Variants in EYA4 observed in about 807,000 individuals in gnomAD.
The protein encoded by EYA4 is EYA transcriptional coactivator and phosphatase 4, also known as protein phosphatase EYA4.
EYA4 carries 31 observed loss-of-function variants against 87.9 expected under a neutral mutation model. The observed-to-expected ratio is 0.35, with a 90% CI of 0.27 to 0.48. The LOEUF (loss-of-function observed/expected upper bound fraction) is 0.48, where lower values mean the gene tolerates loss of function less well. Ranked by LOEUF, EYA4 falls within the 20% of genes least tolerant of loss-of-function variation. EYA4 has a pLI of 0.99. For synonymous variants in EYA4, 263 were observed against 270.6 expected, an observed-to-expected ratio of 0.97 and a Z score of 0.28; for missense variants, 678 against 761.4, an observed-to-expected ratio of 0.89 and a Z score of 1.29.
intron 3 of EYA4, among the ~76,000 whole-genome samples, chr6:133,397,793 C>T (rs1468726325): frequency 6.6e-6 from 1 of 152,184 alleles, no homozygotes; most frequent in Non-Finnish European, 1.5e-5. Context: ...GCATGTGTCA[C>T]ATGGGGGCCG....
intron 14 of EYA4, 52 bp from the exon 15 acceptor site, chr6:133,512,669 T>C (rs1211603197): frequency 2.9e-6 from 4 of 1,397,532 alleles, no homozygotes; most frequent in South Asian, 2.3e-5. Flanking sequence ...CCTTCAAGCA[T>C]GGTAACAAGC....
At chr6:133,267,107 T>C (rs1776284514) in intron 1 of EYA4, among the ~76,000 whole-genome samples, 1 of 152,224 alleles carries the variant, frequency 6.6e-6, no homozygotes, top group African/African-American at 2.4e-5. Context: ...CTATCTGCTG[T>C]AGTTTTACCT....
Position 133,342,174 on chromosome 6 carries a change from T to G in EYA4, c.34-40218T>G, listed in dbSNP as rs377628634. On this transcript the variant is annotated intron_variant, in intron 2 of 19. Coordinates refer to ENST00000355286, the MANE Select transcript of EYA4 (RefSeq NM_004100.5). The stretch of plus-strand genomic sequence containing the variant: ...AGTTGAAATTGAGACCAGTCTAGAT[T>G]GGTACCAGCTTCTTTGGGTTTCTTC... Among the ~76,000 whole-genome samples, 32 of 152,058 alleles carry G rather than the reference T, an allele frequency of 2.1e-4. 1 individual carries two copies. Among genetic ancestry groups the G allele is most frequent in the African/African-American group, 7.5e-4 (31 of 41,484 alleles).
In EYA4 at chr6:133,530,625, A is replaced by T. The variant is rs184735364; in HGVS notation, c.*1820A>T. 2 of 985,774 alleles carry T rather than the reference A, an allele frequency of 2.0e-6. No homozygotes were observed. The highest frequency in any genetic ancestry group is 2.3e-4 in the East Asian group (2 of 8,822). 61.1% of individuals were successfully genotyped at this position (985,774 alleles called of 1,614,324 possible). On this transcript the variant is annotated 3_prime_UTR_variant, in exon 20 of 20. Coordinates refer to ENST00000355286, the MANE Select transcript of EYA4 (RefSeq NM_004100.5). ...AGATCACAACATTCACTGTGGAAAT[A>T]TGATTTCATTTCTTTAGGCTACAAA...
At chr6:133,512,620 C>T in intron 14 of EYA4, 101 bp from the exon 15 acceptor site, 1 of 913,328 alleles carries the variant, frequency 1.1e-6, no homozygotes, top group Non-Finnish European at 1.8e-6. Flanking sequence ...ATGCTGCCAT[C>T]TTCTGGTGGT....
chr6:133,376,901 A>AAATAAGAGATGCATAGTGTTGTGT (rs1785737974), intron 2 of EYA4, among the ~76,000 whole-genome samples: 1 of 152,022 alleles, frequency 6.6e-6, no homozygotes, highest in Admixed American at 6.6e-5. Flanking sequence ...TAGTATTGTG[A>AAATAAGAGATGCATAGTGTTGTGT]AATAAGAGAT....
intron 13 of EYA4, among the ~76,000 whole-genome samples, chr6:133,487,554 A>G (rs2128721117): frequency 6.6e-6 from 1 of 152,294 alleles, no homozygotes; most frequent in Admixed American, 6.5e-5. Context: ...ACAGAAAGAA[A>G]GGGCACCAGG....
intron 2 of EYA4, among the ~76,000 whole-genome samples, chr6:133,331,817 A>AT (rs767081598): frequency 1.3e-5 from 2 of 152,202 alleles, no homozygotes; most frequent in Non-Finnish European, 2.9e-5. Context: ...TTTCAGAGTA[A>AT]TTTGGGGGTA....
intron 2 of EYA4, among the ~76,000 whole-genome samples, chr6:133,346,984 G>A (rs1783244350): frequency 6.6e-6 from 1 of 151,618 alleles, no homozygotes; most frequent in African/African-American, 2.4e-5. Context: ...TCCAGTCCCT[G>A]CTCTGTGGAG....
intron 2 of EYA4, among the ~76,000 whole-genome samples, chr6:133,342,804 C>A (rs539734337): frequency 6.6e-6 from 1 of 151,460 alleles, no homozygotes; most frequent in South Asian, 2.1e-4. Context: ...TTAAAAAGCA[C>A]TGATTTATTT....
At chr6:133,295,181 A>T (rs1778856812) in intron 2 of EYA4, among the ~76,000 whole-genome samples, 1 of 152,200 alleles carries the variant, frequency 6.6e-6, no homozygotes, top group Non-Finnish European at 1.5e-5. Flanking sequence ...GGATGTCTGA[A>T]TTTCAAAAGG....
chr6:133,366,866 T>C (rs1784891230), intron 2 of EYA4, among the ~76,000 whole-genome samples: 1 of 152,228 alleles, frequency 6.6e-6, no homozygotes, highest in South Asian at 2.1e-4. Context: ...TACATTGTTT[T>C]TCTTCGTTCT....
intron 2 of EYA4, among the ~76,000 whole-genome samples, chr6:133,335,377 CATT>C (rs1782287430): frequency 6.6e-6 from 1 of 152,138 alleles, no homozygotes; most frequent in African/African-American, 2.4e-5. Context: ...TAATTAGTAA[CATT>C]ATTCATTGGG....
intron 11 of EYA4, among the ~76,000 whole-genome samples, chr6:133,469,281 G>A (rs759674413): frequency 3.9e-5 from 6 of 152,108 alleles, no homozygotes; most frequent in Non-Finnish European, 8.8e-5. Context: ...AGTATTTAAA[G>A]TTAAAAGCAA....
At chr6:133,449,469 C>A (rs1355177724) in intron 5 of EYA4, among the ~76,000 whole-genome samples, 3 of 152,216 alleles carry the variant, frequency 2.0e-5, no homozygotes, top group African/African-American at 7.2e-5. Context: ...TAATTTACCT[C>A]TGATCTCAAC....
Position 133,531,419 on chromosome 6 carries a change from C to T in EYA4, c.*2614C>T. The T allele has an allele frequency of 3.6e-6, 2 of 555,030 alleles. No homozygotes were observed. The highest frequency in any genetic ancestry group is 4.8e-5 in the South Asian group (2 of 41,432). 34.4% of individuals were successfully genotyped at this position (555,030 alleles called of 1,614,324 possible). A position where few individuals can be genotyped will look rare whatever the true frequency, so the allele number is the denominator to read the frequency against. ...GAAAACTGAACAAACACAAAACCAACCCCTTGGCAGTTCCCACCTCCTATT... is the reference window on the plus strand; with the variant it reads ...GAAAACTGAACAAACACAAAACCAATCCCTTGGCAGTTCCCACCTCCTATT... On this transcript the variant is annotated 3_prime_UTR_variant, in exon 20 of 20. Coordinates refer to ENST00000355286, the MANE Select transcript of EYA4 (RefSeq NM_004100.5).
chr6:133,295,917 A>G (rs1175367941), intron 2 of EYA4, among the ~76,000 whole-genome samples: 2 of 152,228 alleles, frequency 1.3e-5, no homozygotes, highest in Non-Finnish European at 2.9e-5. Flanking sequence ...AGTGAAGGAA[A>G]TAGAATATAC....
At chr6:133,422,996 GA>G (rs1430026845) in intron 3 of EYA4, among the ~76,000 whole-genome samples, 2 of 152,150 alleles carry the variant, frequency 1.3e-5, no homozygotes, top group African/African-American at 4.8e-5. Context: ...CCAAAGGAGA[GA>G]TGTGTTTTCA....
chr6:133,383,329 A>G (rs1209953869), intron 3 of EYA4, among the ~76,000 whole-genome samples: 2 of 152,078 alleles, frequency 1.3e-5, no homozygotes, highest in African/African-American at 4.8e-5. Flanking sequence ...AGCCTGGCCA[A>G]TATGGTGAAA....
Sources: gnomAD v4.1 joint callset for allele counts (sites outside exome capture counted in the v4.1 genomes callset) on GRCh38, gnomAD v4.1.1 for gene constraint, MANE v1.5 for transcripts, NCBI Gene and HGNC (gene_info 2026-07-23, HGNC 2026-07-21) for gene names.